The following PHKB variants were observed in gnomAD, a reference collection of about 807,000 sequenced individuals.
The protein encoded by PHKB is phosphorylase b kinase regulatory subunit beta.
PHKB carries 122 observed loss-of-function variants against 152.1 expected under a neutral mutation model. The observed-to-expected ratio is 0.80, with a 90% confidence interval of 0.69 to 0.93. The LOEUF is 0.93. Among genes scored for constraint, PHKB ranks in the 40% least tolerant of loss-of-function variants. The pLI, the probability that PHKB is intolerant of heterozygous loss-of-function variation, is 0.00. For synonymous variants in PHKB, 436 were observed against 464.9 expected (o/e 0.94, Z 0.80); for missense variants, 1,304 against 1,328.4 (o/e 0.98, Z 0.29).
At chr16:47,573,250 C>G (rs1971693216) in intron 7 of PHKB, among the ~76,000 whole-genome samples, 1 of 152,156 alleles carries the variant, frequency 6.6e-6, no homozygotes, top group Admixed American at 6.5e-5. Flanking sequence ...GGGAAACACT[C>G]ATATCCCAGG....
At chr16:47,523,092 T>C (rs1000287473) in intron 6 of PHKB, among the ~76,000 whole-genome samples, 1 of 152,114 alleles carries the variant, frequency 6.6e-6, no homozygotes, top group Non-Finnish European at 1.5e-5. Flanking sequence ...ATTTAGAATA[T>C]TTGATTTAAA....
intron 20 of PHKB, among the ~76,000 whole-genome samples, chr16:47,652,345 T>A (rs1452173925): frequency 6.6e-6 from 1 of 151,534 alleles, no homozygotes; most frequent in Non-Finnish European, 1.5e-5. Context: ...CCCAATAGTT[T>A]TTCAATCCTT....
chr16:47,519,830 A>AT (rs1488119570), intron 6 of PHKB, among the ~76,000 whole-genome samples: 4 of 152,172 alleles, frequency 2.6e-5, no homozygotes, highest in Middle Eastern at 3.4e-3. Context: ...CGTTAGAGAG[A>AT]TTTTTTAAGG....
At chr16:47,672,489 G>A (rs1013379079) in intron 26 of PHKB, among the ~76,000 whole-genome samples, 3 of 152,148 alleles carry the variant, frequency 2.0e-5, no homozygotes, top group African/African-American at 7.2e-5. Flanking sequence ...AGACTGAGAA[G>A]TATAGGTTAT....
At chr16:47,530,494 C>T (rs1970844292) in intron 6 of PHKB, among the ~76,000 whole-genome samples, 1 of 151,972 alleles carries the variant, frequency 6.6e-6, no homozygotes, top group Admixed American at 6.6e-5. Flanking sequence ...CTAGCCAAAG[C>T]AATAAGGCAA....
chr16:47,499,864 C>A lies in PHKB; in HGVS notation c.275C>A (p.Ala92Asp). The change falls in exon 3 of 31, where the codon GCT (alanine) becomes GAT (aspartate). Residue 92 changes from alanine (A) to aspartate (D), a missense_variant. Ala to Asp is a moderately radical substitution (Grantham distance 126). Transcript: ENST00000323584. Reference sequence around the variant, plus strand: ...ATCCAGGACAGCCTATACTGCGCTGCTGGGGCCTGGGCTTTGGCTCTTGCA... The same window carrying A: ...ATCCAGGACAGCCTATACTGCGCTGATGGGGCCTGGGCTTTGGCTCTTGCA... ...AKIQDSLYCA[A>D]GAWALALAYR... The A allele has an allele frequency of 1.2e-6, 2 of 1,614,164 alleles. No homozygotes were observed. The highest frequency in any genetic ancestry group is 1.7e-6 in the Non-Finnish European group (2 of 1,180,022).
In PHKB at chr16:47,699,454, A is replaced by G. The variant is rs982473093; in HGVS notation, c.*88A>G. 6.5e-5 allele frequency: 96 copies of G among 1,475,198 alleles called. No individual in the cohort carries two copies. Among genetic ancestry groups the G allele is most frequent in the Admixed American group, 6.2e-4 (37 of 59,826 alleles). 91.4% of individuals were successfully genotyped at this position (1,475,198 alleles called of 1,614,324 possible). ...AAGCTTAATCAAGGCAGCCATTAAT[A>G]TACGAACTGAGCATGCTGGGGAGGT... On this transcript the variant is annotated 3_prime_UTR_variant, in exon 31 of 31. Coordinates refer to ENST00000323584, the MANE Select transcript of PHKB (RefSeq NM_000293.3).
At chr16:47,583,172 G>C (rs1386354421) in intron 8 of PHKB, among the ~76,000 whole-genome samples, 2 of 152,206 alleles carry the variant, frequency 1.3e-5, no homozygotes, top group Non-Finnish European at 1.5e-5. Context: ...TTACAAGGTA[G>C]TGTCAGTGTC....
chr16:47,580,382 C>A (rs1200258646), intron 8 of PHKB, 24 bp downstream of exon 8: 1 of 1,526,682 alleles, frequency 6.6e-7, no homozygotes, highest in Non-Finnish European at 9.1e-7. Flanking sequence ...CCCCCAGAAT[C>A]TTTGATTATT....
In PHKB at chr16:47,664,880, C is replaced by G. The variant is rs1398577060; in HGVS notation, c.2337-5C>G. 1 of 1,608,036 alleles carries G rather than the reference C, an allele frequency of 6.2e-7. No homozygotes were observed. The highest frequency in any genetic ancestry group is 1.1e-5 in the South Asian group (1 of 90,822). On this transcript the variant is annotated splice_polypyrimidine_tract_variant and splice_region_variant and intron_variant, in intron 24 of 30. Transcript: ENST00000323584. ...CCTTTTATGGCTTTCCACTGACACA[C>G]CCAGGTTGGCGGTGCGCTACGGGGC...
chr16:47,537,872 T>TTCTCTCTCTCTCTCTC (rs34841624), intron 6 of PHKB, among the ~76,000 whole-genome samples: 3 of 143,438 alleles, frequency 2.1e-5, no homozygotes, highest in African/African-American at 7.7e-5. Flanking sequence ...ACGTGGAAAA[T>TTCTCTCTCTCTCTCTC]TCTCTCTCTC....
chr16:47,657,985 A>G (rs1282260699), intron 20 of PHKB, among the ~76,000 whole-genome samples: 3 of 152,120 alleles, frequency 2.0e-5, no homozygotes, highest in African/African-American at 7.2e-5. Flanking sequence ...CAACTAATAA[A>G]ACAGTCTGTT....
chr16:47,565,802 T>C, intron 7 of PHKB: 1 of 1,477,168 alleles, frequency 6.8e-7, no homozygotes. Context: ...CTCTAGCAGC[T>C]GTGTCAATGG....
intron 6 of PHKB, among the ~76,000 whole-genome samples, chr16:47,542,565 C>CAT (rs1971079672): frequency 6.6e-6 from 1 of 152,146 alleles, no homozygotes; most frequent in Non-Finnish European, 1.5e-5. Flanking sequence ...TTAGGGATGG[C>CAT]ATTGAATCTA....
At chr16:47,660,085 A>T (rs1275989665) in intron 20 of PHKB, among the ~76,000 whole-genome samples, 2 of 152,102 alleles carry the variant, frequency 1.3e-5, no homozygotes, top group East Asian at 1.9e-4. Flanking sequence ...GATAGTCTTG[A>T]TCTCTTGACC....
intron 14 of PHKB, among the ~76,000 whole-genome samples, chr16:47,612,719 G>A (rs1972450377): frequency 1.3e-5 from 2 of 152,186 alleles, no homozygotes; most frequent in Admixed American, 1.3e-4. Context: ...GTGATGGGGA[G>A]ATTTGCAGCA....
At chr16:47,650,113 G>GC (rs1973208108) in intron 18 of PHKB, among the ~76,000 whole-genome samples, 1 of 151,966 alleles carries the variant, frequency 6.6e-6, no homozygotes, top group Admixed American at 6.6e-5. Flanking sequence ...TATTTTGTAG[G>GC]CTTTTTTAAA....
At chr16:47,594,248 A>T (rs770079162) in intron 12 of PHKB, 34 bp downstream of exon 12, 1 of 1,051,280 alleles carries the variant, frequency 9.5e-7, no homozygotes, top group Non-Finnish European at 1.5e-6. Context: ...TCTTCCTACC[A>T]ACATTTCCTG....
chr16:47,504,807 C>T (rs1336556772), intron 4 of PHKB, among the ~76,000 whole-genome samples: 1 of 152,262 alleles, frequency 6.6e-6, no homozygotes, highest in Non-Finnish European at 1.5e-5. Context: ...AAGGCCAGCG[C>T]ACTCCCTGGC....
Sources: gnomAD v4.1 joint callset for allele counts (sites outside exome capture counted in the v4.1 genomes callset) on GRCh38, gnomAD v4.1.1 for gene constraint, MANE v1.5 for transcripts, NCBI Gene and HGNC (gene_info 2026-07-23, HGNC 2026-07-21) for gene names.